The following R3HDM2 variants were observed in gnomAD, a reference collection of about 807,000 sequenced individuals.
R3HDM2 encodes the protein R3H domain-containing protein 2.
In R3HDM2, 38 loss-of-function variants were observed where a neutral mutation model predicts 124.5. The ratio of observed to expected loss-of-function variants is 0.31; its 90% CI spans 0.24 to 0.40. The LOEUF (loss-of-function observed/expected upper bound fraction) is 0.40. R3HDM2 is among the 10% of genes least tolerant of loss of function. The pLI, the probability that R3HDM2 is intolerant of heterozygous loss-of-function variation, is 1.00. For missense variants in R3HDM2, 869 were observed against 1,236.9 expected, an observed-to-expected ratio of 0.70 and a Z score of 4.46; for synonymous variants, 391 against 448.0, an observed-to-expected ratio of 0.87 and a Z score of 1.61.
At chr12:57,425,155 C>T (rs1349742474) in intron 1 of R3HDM2, among the ~76,000 whole-genome samples, 2 of 151,954 alleles carry the variant, frequency 1.3e-5, no homozygotes, top group Non-Finnish European at 2.9e-5. Context: ...GCCTGTAATC[C>T]CAGCTACTGG....
At chr12:57,381,421 T>C (rs2064855596) in intron 2 of R3HDM2, among the ~76,000 whole-genome samples, 2 of 151,552 alleles carry the variant, frequency 1.3e-5, no homozygotes, top group Admixed American at 1.3e-4. Flanking sequence ...GCATCTGTAG[T>C]GTAATCCCAG....
At chr12:57,269,675 A>G (rs2043177089) in intron 15 of R3HDM2, 77 bp downstream of exon 15, 7 of 1,588,100 alleles carry the variant, frequency 4.4e-6, no homozygotes, top group Non-Finnish European at 6.0e-6. Flanking sequence ...TGGTCTGTCT[A>G]AACTGGAGGA....
At chr12:57,308,395 A>AT (rs2053200926) in intron 3 of R3HDM2, among the ~76,000 whole-genome samples, 1 of 151,508 alleles carries the variant, frequency 6.6e-6, no homozygotes, top group African/African-American at 2.4e-5. Context: ...CATAAAGCAT[A>AT]TAAAACCTAT....
chr12:57,398,488 C>T (rs1250888635), intron 1 of R3HDM2, among the ~76,000 whole-genome samples: 1 of 151,442 alleles, frequency 6.6e-6, no homozygotes, highest in Non-Finnish European at 1.5e-5. Context: ...CTCTTCCTTT[C>T]TCTCTCTTTT....
rs1263227424 is a variant in R3HDM2, at chr12:57,276,208, T to TAA, written c.1344+4148_1344+4149dup. Among the ~76,000 whole-genome samples the TAA allele has an allele frequency of 2.5e-3, 268 of 105,306 alleles. 6 individuals carry two copies. In the East Asian group the frequency reaches 0.055, roughly 22 times the overall value. The allele number at this position is 105,306 out of a possible 152,430, so 69.1% of individuals were successfully genotyped here. A position where few individuals can be genotyped will look rare whatever the true frequency, so the allele number is the denominator to read the frequency against. ...CTGGGCGACAGAGTGAGACTCCATC[T>TAA]AAAAAAAAAAAAAAAAAAAGAACTA... On this transcript the variant is annotated intron_variant, in intron 14 of 23. Coordinates refer to ENST00000402412, the MANE Select transcript of R3HDM2 (RefSeq NM_001394031.1).
intron 19 of R3HDM2, among the ~76,000 whole-genome samples, chr12:57,265,919 C>T (rs1365895368): frequency 6.6e-6 from 1 of 151,676 alleles, no homozygotes; most frequent in African/African-American, 2.4e-5. Context: ...GCCTCAGCCT[C>T]CCAAGTAGCT....
chr12:57,388,758 T>A (rs1026352456), intron 2 of R3HDM2, among the ~76,000 whole-genome samples: 1 of 151,848 alleles, frequency 6.6e-6, no homozygotes, highest in Admixed American at 6.6e-5. Flanking sequence ...GAATTAGGAC[T>A]CCACATGGAA....
intron 2 of R3HDM2, among the ~76,000 whole-genome samples, chr12:57,356,392 T>C (rs949891211): frequency 6.6e-6 from 1 of 152,212 alleles, no homozygotes; most frequent in Non-Finnish European, 1.5e-5. Context: ...GAGAATTACA[T>C]TGGTTGAATT....
At chr12:57,356,341 CTAT>C (rs1167226861) in intron 2 of R3HDM2, among the ~76,000 whole-genome samples, 1 of 152,022 alleles carries the variant, frequency 6.6e-6, no homozygotes, top group African/African-American at 2.4e-5. Flanking sequence ...TTTTCTGCTT[CTAT>C]TAAGATGATC....
chr12:57,257,061 C>T (rs888727166), intron 21 of R3HDM2, among the ~76,000 whole-genome samples: 1 of 152,072 alleles, frequency 6.6e-6, no homozygotes, highest in Non-Finnish European at 1.5e-5. Context: ...TCAGGTGATC[C>T]GCCTGCCCCG....
At chr12:57,256,350 G>T in intron 22 of R3HDM2, 64 bp downstream of exon 22, 2 of 1,360,790 alleles carry the variant, frequency 1.5e-6, no homozygotes, top group South Asian at 2.8e-5. Flanking sequence ...TTGAAGCTCA[G>T]ACACAGGCAC....
intron 19 of R3HDM2, among the ~76,000 whole-genome samples, chr12:57,260,014 G>A (rs538750241): frequency 1.3e-4 from 20 of 151,826 alleles, no homozygotes; most frequent in Admixed American, 6.6e-4. Context: ...CTGTAATCCC[G>A]GCACTTTGGG....
At chr12:57,372,830 A>C (rs993003573) in intron 2 of R3HDM2, among the ~76,000 whole-genome samples, 3 of 152,192 alleles carry the variant, frequency 2.0e-5, no homozygotes, top group African/African-American at 7.2e-5. Flanking sequence ...ACATGCAAAC[A>C]CAAGAGTCAC....
At position 57,405,616 on chromosome 12, in the gene R3HDM2, AGAGT is replaced by A. The variant is rs1594534329; in HGVS notation, c.-105-9802_-105-9799del. Among the ~76,000 whole-genome samples the A allele has an allele frequency of 3.9e-5, 6 of 152,340 alleles. No individual in the cohort carries two copies. In the South Asian group the frequency reaches 1.2e-3, roughly 32 times the overall value. On this transcript the variant is annotated intron_variant, in intron 1 of 23. Transcript: ENST00000402412. ...ACCACTGCACTACAGCCTCGGTGAC[AGAGT>A]GAGACTGTCTCAAAAAAAGAAGACA...
chr12:57,386,377 G>C (rs932654391), intron 2 of R3HDM2, among the ~76,000 whole-genome samples: 3 of 152,256 alleles, frequency 2.0e-5, no homozygotes, highest in African/African-American at 7.2e-5. Context: ...TTCCGGGTGG[G>C]AGTGGGCTCG....
intron 1 of R3HDM2, among the ~76,000 whole-genome samples, chr12:57,428,832 C>T (rs1042384316): frequency 4.2e-4 from 63 of 151,656 alleles, no homozygotes; most frequent in African/African-American, 8.5e-4. Context: ...CTGCAAAATC[C>T]GCCTCCTGGG....
chr12:57,306,414 AT>A (rs34606531), intron 3 of R3HDM2, among the ~76,000 whole-genome samples: 89,541 of 149,338 alleles, frequency 0.6, 27,473 homozygotes, highest in East Asian at 0.77. Context: ...CAAGTTGGCT[AT>A]TTTTTTTTTT....
At chr12:57,262,037 T>G (rs2041003312) in intron 19 of R3HDM2, among the ~76,000 whole-genome samples, 1 of 152,164 alleles carries the variant, frequency 6.6e-6, no homozygotes, top group African/African-American at 2.4e-5. Context: ...ATTTTTGTTT[T>G]TTTGTTTTTT....
chr12:57,398,203 C>T (rs572198), intron 1 of R3HDM2, among the ~76,000 whole-genome samples: 34,312 of 148,474 alleles, frequency 0.23, 4,344 homozygotes, highest in South Asian at 0.43. Flanking sequence ...GAGACTCTGC[C>T]TCAAAAAAAA....
Sources: allele counts gnomAD v4.1 joint callset (sites outside exome capture counted in the v4.1 genomes callset), GRCh38; gene constraint gnomAD v4.1.1; transcripts MANE v1.5; gene names NCBI Gene and HGNC (gene_info 2026-07-23, HGNC 2026-07-21).